The following IL1RAPL1 variants were observed in gnomAD, a reference collection of about 807,000 sequenced individuals.
IL1RAPL1 encodes interleukin-1 receptor accessory protein-like 1.
IL1RAPL1 carries 3 observed loss-of-function variants against 48.4 expected under a neutral mutation model. The observed-to-expected ratio is 0.06, with a 90% CI of 0.03 to 0.16. IL1RAPL1 has a LOEUF of 0.16. Ranked by LOEUF, IL1RAPL1 falls within the 10% of genes least tolerant of loss-of-function variation. The pLI is 1.00. For missense variants in IL1RAPL1, 349 were observed against 530.6 expected (o/e 0.66, Z 3.36); for synonymous variants, 185 against 187.7 (o/e 0.99, Z 0.12).
At chrX:29,032,582 CTTTCTCTGCG>C (rs1926643643) in intron 2 of IL1RAPL1, among the ~76,000 whole-genome samples, 1 of 112,302 alleles carries the variant, frequency 8.9e-6, no homozygotes, top group Non-Finnish European at 1.9e-5. Context: ...CTGGTCTTTT[CTTTCTCTGCG>C]ATTCTTCATG....
At chrX:29,484,648 A>G (rs750739083) in intron 5 of IL1RAPL1, among the ~76,000 whole-genome samples, 26 of 111,731 alleles carry the variant, frequency 2.3e-4, no homozygotes, top group Non-Finnish European at 4.3e-4. Context: ...TAGAGAGTTA[A>G]AGGAAGTGAG....
chrX:29,803,249 A>G (rs1468291167), intron 6 of IL1RAPL1, among the ~76,000 whole-genome samples: 5 of 32,291 alleles, frequency 1.5e-4, no homozygotes, highest in Non-Finnish European at 3.0e-4. Flanking sequence ...ATATGTATAC[A>G]TATACACACA....
At chrX:29,246,573 C>A (rs183483258) in intron 2 of IL1RAPL1, among the ~76,000 whole-genome samples, 41 of 111,435 alleles carry the variant, frequency 3.7e-4, no homozygotes, top group Admixed American at 9.6e-4. Context: ...TCTCCTGTTG[C>A]TACTACAAAT....
At chrX:28,854,150 A>G (rs1921743303) in intron 2 of IL1RAPL1, among the ~76,000 whole-genome samples, 1 of 112,104 alleles carries the variant, frequency 8.9e-6, no homozygotes, top group Non-Finnish European at 1.9e-5. Flanking sequence ...GTGAAACCAG[A>G]GACATAAAGG....
At chrX:28,967,270 A>G (rs187579769) in intron 2 of IL1RAPL1, among the ~76,000 whole-genome samples, 1 of 111,711 alleles carries the variant, frequency 9.0e-6, no homozygotes, top group Admixed American at 9.6e-5. Context: ...CATATAAAAT[A>G]GGCACTGAAG....
chrX:29,511,340 C>T (rs16988604), intron 5 of IL1RAPL1, among the ~76,000 whole-genome samples: 8,132 of 111,426 alleles, frequency 0.073, 507 homozygotes, highest in African/African-American at 0.2. Context: ...CCCTGGTTTG[C>T]GTATGTGCCT....
chrX:29,872,239 T>C (rs914110999), intron 6 of IL1RAPL1, among the ~76,000 whole-genome samples: 1 of 111,505 alleles, frequency 9.0e-6, no homozygotes, highest in African/African-American at 3.3e-5. Flanking sequence ...ATGACATCAA[T>C]TTGGTGTATC....
intron 5 of IL1RAPL1, among the ~76,000 whole-genome samples, chrX:29,556,924 T>G (rs1288051106): frequency 8.9e-6 from 1 of 111,869 alleles, no homozygotes; most frequent in Non-Finnish European, 1.9e-5. Flanking sequence ...CCCTTGATTC[T>G]GATTCATTTA....
chrX:29,504,864 A>G (rs2147762243), intron 5 of IL1RAPL1, among the ~76,000 whole-genome samples: 1 of 107,722 alleles, frequency 9.3e-6, no homozygotes, highest in Non-Finnish European at 1.9e-5. Context: ...AGGACTTACT[A>G]CTGCCATTTT....
chrX:28,968,232 C>G (rs999059575), intron 2 of IL1RAPL1, among the ~76,000 whole-genome samples: 21 of 111,213 alleles, frequency 1.9e-4, no homozygotes, highest in Admixed American at 5.8e-4. Context: ...TAGTCAAGAG[C>G]CATTAGTTCC....
chrX:28,723,302 T>G (rs1935616646), intron 1 of IL1RAPL1, among the ~76,000 whole-genome samples: 2 of 111,161 alleles, frequency 1.8e-5, no homozygotes, highest in South Asian at 7.6e-4. Context: ...GGATTCAACT[T>G]CTTCCTGGTT....
chrX:28,721,932 C>G (rs1241142998), intron 1 of IL1RAPL1, among the ~76,000 whole-genome samples: 1 of 110,697 alleles, frequency 9.0e-6, no homozygotes, highest in Non-Finnish European at 1.9e-5. Flanking sequence ...TCTGAGGGCT[C>G]TGTTCTGTTC....
At chrX:29,053,495 A>G (rs1005726930) in intron 2 of IL1RAPL1, among the ~76,000 whole-genome samples, 2 of 112,019 alleles carry the variant, frequency 1.8e-5, no homozygotes, top group African/African-American at 6.5e-5. Context: ...ACTCCTACCA[A>G]CAGTATATAA....
intron 3 of IL1RAPL1, among the ~76,000 whole-genome samples, chrX:29,295,976 T>G (rs2147607944): frequency 8.9e-6 from 1 of 111,752 alleles, no homozygotes; most frequent in African/African-American, 3.2e-5. Context: ...TACTACTAAT[T>G]TAAGGATTTC....
At chrX:29,493,863 T>C (rs1935184875) in intron 5 of IL1RAPL1, among the ~76,000 whole-genome samples, 1 of 110,815 alleles carries the variant, frequency 9.0e-6, no homozygotes, top group Admixed American at 9.6e-5. Flanking sequence ...TAGTGTCTTC[T>C]TTGTCCATCT....
At chrX:29,215,342 C>CA (rs748922177) in intron 2 of IL1RAPL1, among the ~76,000 whole-genome samples, 4,126 of 65,827 alleles carry the variant, frequency 0.063, 88 homozygotes, top group African/African-American at 0.076. Context: ...GACTCTGTCT[C>CA]AAAAAAAAAA....
chrX:29,830,344 C>A (rs181125286), intron 6 of IL1RAPL1, among the ~76,000 whole-genome samples: 265 of 111,435 alleles, frequency 2.4e-3, no homozygotes, highest in Non-Finnish European at 4.5e-3. Context: ...TATACTTTAA[C>A]ACTTTAATTG....
At chrX:29,828,470 A>G (rs1930792959) in intron 6 of IL1RAPL1, among the ~76,000 whole-genome samples, 1 of 111,680 alleles carries the variant, frequency 9.0e-6, no homozygotes, top group Non-Finnish European at 1.9e-5. Flanking sequence ...GTTTATGTAT[A>G]TATTTTGATA....
chrX:29,336,357 G>GTA (rs1218479174), intron 3 of IL1RAPL1, among the ~76,000 whole-genome samples: 15 of 69,104 alleles, frequency 2.2e-4, no homozygotes, highest in African/African-American at 6.7e-4. Flanking sequence ...GTATATCTAT[G>GTA]TATATATATA....
Sources: gnomAD v4.1 joint callset for allele counts (sites outside exome capture counted in the v4.1 genomes callset) on GRCh38, gnomAD v4.1.1 for gene constraint, MANE v1.5 for transcripts, NCBI Gene and HGNC (gene_info 2026-07-23, HGNC 2026-07-21) for gene names.